The following SEMA6A variants were observed in gnomAD, a reference collection of about 807,000 sequenced individuals.
SEMA6A encodes the protein semaphorin-6A.
Under a neutral mutation model 96.8 loss-of-function variants are expected in SEMA6A, and 25 were observed. That is an observed-to-expected ratio of 0.26 (90% CI 0.19 to 0.36). The LOEUF (loss-of-function observed/expected upper bound fraction) is 0.36. Ranked by LOEUF, SEMA6A falls within the 10% of genes least tolerant of loss-of-function variation. SEMA6A has a pLI of 1.00. For missense variants in SEMA6A, 1,363 were observed against 1,323.1 expected (o/e 1.03, Z -0.47); for synonymous variants, 612 against 518.0 (o/e 1.18, Z -2.46).
At position 116,525,923 on chromosome 5, in the gene SEMA6A, T is replaced by C. The variant is rs113290803; in HGVS notation, c.-38-20941A>G. Reference sequence around the variant, plus strand: ...TCAGGTGCTGTGGCCAGTACAAAGATGAAGGCTGGCTGGAGGAAGCAGCAT... The same window carrying C: ...TCAGGTGCTGTGGCCAGTACAAAGACGAAGGCTGGCTGGAGGAAGCAGCAT... On this transcript the variant is annotated intron_variant, in intron 1 of 18. Transcript: ENST00000343348. 6.4e-3 allele frequency among the ~76,000 whole-genome samples: 980 copies of C among 152,336 alleles called. 17 individuals are homozygous for C. Among genetic ancestry groups the C allele is most frequent in the African/African-American group, 0.022 (926 of 41,578 alleles).
chr5:116,484,973 C>T (rs1451279675), intron 10 of SEMA6A, among the ~76,000 whole-genome samples: 1 of 152,112 alleles, frequency 6.6e-6, no homozygotes, highest in Admixed American at 6.6e-5. Context: ...GGGCTTTATC[C>T]TCAGGGCAAA....
chr5:116,504,404 T>C (rs1164356646), intron 2 of SEMA6A, among the ~76,000 whole-genome samples: 1 of 152,216 alleles, frequency 6.6e-6, no homozygotes, highest in African/African-American at 2.4e-5. Flanking sequence ...CTATTAACTA[T>C]GTAACTTCTA....
intron 3 of SEMA6A, among the ~76,000 whole-genome samples, chr5:116,501,187 A>T (rs1222573260): frequency 2.0e-5 from 3 of 152,184 alleles, no homozygotes; most frequent in African/African-American, 4.8e-5. Context: ...TGGACTCCTT[A>T]GGGACTTCAT....
chr5:116,477,785 C>T (rs989675171), intron 15 of SEMA6A, 61 bp downstream of exon 15: 5 of 1,527,664 alleles, frequency 3.3e-6, no homozygotes, highest in Non-Finnish European at 4.5e-6. Context: ...GCAAATCTTA[C>T]ATCTAGAATA....
intron 18 of SEMA6A, among the ~76,000 whole-genome samples, chr5:116,451,523 G>T (rs1352669309): frequency 6.6e-6 from 1 of 152,206 alleles, no homozygotes; most frequent in Non-Finnish European, 1.5e-5. Context: ...AGTGGAAAAT[G>T]TTGGCAATTA....
chr5:116,518,330 T>A (rs992746674), intron 1 of SEMA6A, among the ~76,000 whole-genome samples: 5 of 152,166 alleles, frequency 3.3e-5, no homozygotes, highest in African/African-American at 1.2e-4. Flanking sequence ...ATGGTTAATA[T>A]CAGATAACTT....
chr5:116,560,866 C>T (rs778983105), intron 1 of SEMA6A, among the ~76,000 whole-genome samples: 28 of 151,928 alleles, frequency 1.8e-4, no homozygotes, highest in Non-Finnish European at 3.7e-4. Flanking sequence ...ATTTAGGTCC[C>T]AGTTGCACTA....
At chr5:116,463,336 G>A (rs1352266014) in intron 18 of SEMA6A, among the ~76,000 whole-genome samples, 2 of 152,060 alleles carry the variant, frequency 1.3e-5, no homozygotes, top group African/African-American at 2.4e-5. Context: ...CATCTCCCTC[G>A]GAGGAAATAC....
chr5:116,538,068 G>A (rs887780372), intron 1 of SEMA6A, among the ~76,000 whole-genome samples: 2 of 152,176 alleles, frequency 1.3e-5, no homozygotes, highest in African/African-American at 4.8e-5. Flanking sequence ...TCAGCTACTT[G>A]GGAGGCTGAG....
At chr5:116,450,376 G>A (rs1166330299) in intron 18 of SEMA6A, among the ~76,000 whole-genome samples, 1 of 152,146 alleles carries the variant, frequency 6.6e-6, no homozygotes, top group Non-Finnish European at 1.5e-5. Flanking sequence ...ATTTACAATT[G>A]ACTTTGGCAT....
At chr5:116,484,633 AAATAAT>A (rs142780194) in intron 10 of SEMA6A, among the ~76,000 whole-genome samples, 12,559 of 151,330 alleles carry the variant, frequency 0.083, 662 homozygotes, top group East Asian at 0.26. Flanking sequence ...AGGAAAAAAA[AAATAAT>A]AATAATAATA....
At chr5:116,523,030 A>G (rs565557497) in intron 1 of SEMA6A, among the ~76,000 whole-genome samples, 1 of 152,284 alleles carries the variant, frequency 6.6e-6, no homozygotes, top group East Asian at 1.9e-4. Context: ...AGAGGTGCCC[A>G]CTGTGCAAGG....
At chr5:116,546,907 C>T (rs1760212668) in intron 1 of SEMA6A, among the ~76,000 whole-genome samples, 1 of 152,200 alleles carries the variant, frequency 6.6e-6, no homozygotes, top group African/African-American at 2.4e-5. Context: ...TGAGCAAACA[C>T]AGGCTTCAGC....
chr5:116,510,401 A>C (rs2112789534), intron 1 of SEMA6A, among the ~76,000 whole-genome samples: 1 of 152,316 alleles, frequency 6.6e-6, no homozygotes, highest in Non-Finnish European at 1.5e-5. Flanking sequence ...GCAATAACAT[A>C]GGAGAGCAGA....
intron 1 of SEMA6A, among the ~76,000 whole-genome samples, chr5:116,530,085 T>C (rs1238413042): frequency 1.3e-5 from 2 of 152,016 alleles, no homozygotes; most frequent in East Asian, 3.8e-4. Context: ...TTCCCTCTTT[T>C]CTTTCAGAGT....
chr5:116,544,826 A>G (rs964679312), intron 1 of SEMA6A, among the ~76,000 whole-genome samples: 5 of 152,208 alleles, frequency 3.3e-5, no homozygotes, highest in African/African-American at 1.2e-4. Context: ...AAATATAGTG[A>G]ACCCCAAGCT....
intron 18 of SEMA6A, among the ~76,000 whole-genome samples, chr5:116,460,704 CCAAA>C (rs1755329202): frequency 1.3e-5 from 2 of 151,934 alleles, no homozygotes; most frequent in African/African-American, 2.4e-5. Flanking sequence ...TCTTCTTTTC[CCAAA>C]CAGTGTGCTT....
At chr5:116,474,936 C>T (rs965283008) in intron 16 of SEMA6A, among the ~76,000 whole-genome samples, 3 of 152,116 alleles carry the variant, frequency 2.0e-5, no homozygotes, top group Admixed American at 6.6e-5. Flanking sequence ...AGATCCTTTA[C>T]GTAAAGTTCT....
At chr5:116,489,534 GAGAGTAAC>G (rs1360549805) in intron 7 of SEMA6A, among the ~76,000 whole-genome samples, 1 of 152,244 alleles carries the variant, frequency 6.6e-6, no homozygotes, top group Non-Finnish European at 1.5e-5. Context: ...CTACTGTCCT[GAGAGTAAC>G]AGCTCCTCTT....
Sources: allele counts gnomAD v4.1 joint callset (sites outside exome capture counted in the v4.1 genomes callset), GRCh38; gene constraint gnomAD v4.1.1; transcripts MANE v1.5; gene names NCBI Gene and HGNC (gene_info 2026-07-23, HGNC 2026-07-21).